Variants in THADA observed in about 807,000 individuals in gnomAD.
The protein encoded by THADA is tRNA (32-2'-O)-methyltransferase regulator THADA.
THADA carries 213 observed loss-of-function variants against 219.8 expected under a neutral mutation model. The ratio of observed to expected loss-of-function variants is 0.97; its 90% CI spans 0.87 to 1.09. The LOEUF is 1.09. Among genes scored for constraint, THADA ranks in the 50% least tolerant of loss-of-function variants. THADA has a pLI of 0.00. For missense variants in THADA, 2,956 were observed against 2,311.3 expected (o/e 1.28, Z -5.72); for synonymous variants, 1,018 against 828.9 (o/e 1.23, Z -3.92).
At chr2:43,419,057 G>A (rs988824659) in intron 28 of THADA, among the ~76,000 whole-genome samples, 1 of 152,162 alleles carries the variant, frequency 6.6e-6, no homozygotes, top group Non-Finnish European at 1.5e-5. Context: ...CAAAGGAGAG[G>A]ACTGTGGGTG....
rs1011445461 is a variant in THADA at position 43,536,713 on chromosome 2, TA to T, written c.3264+4445del. Among the ~76,000 whole-genome samples, 173 of 151,958 alleles carry T rather than the reference TA, an allele frequency of 1.1e-3. 1 individual carries two copies. Among genetic ancestry groups the T allele is most frequent in the African/African-American group, 3.4e-3 (142 of 41,442 alleles). ...TGCTCATCTAAAGCATAAAACCCAT[TA>T]AAAAAAATATAAATATATTTTAAAT... On this transcript the variant is annotated intron_variant, in intron 21 of 37. Coordinates refer to ENST00000405975, the MANE Select transcript of THADA (RefSeq NM_022065.5).
intron 28 of THADA, among the ~76,000 whole-genome samples, chr2:43,405,282 CAT>C (rs1461964313): frequency 5.3e-5 from 8 of 152,288 alleles, no homozygotes; most frequent in South Asian, 2.1e-4. Context: ...TTCAGGAAAA[CAT>C]ATATGTGTGG....
At chr2:43,324,983 G>A (rs566127816) in intron 30 of THADA, among the ~76,000 whole-genome samples, 16 of 152,346 alleles carry the variant, frequency 1.1e-4, no homozygotes, top group African/African-American at 2.6e-4. Context: ...CTATGCGGAC[G>A]AAGTTGACAT....
chr2:43,560,149 C>A, intron 16 of THADA, 85 bp downstream of exon 16: 2 of 1,192,710 alleles, frequency 1.7e-6, no homozygotes, highest in South Asian at 1.7e-5. Context: ...AGATGCAAAG[C>A]ACATGAATAA....
intron 30 of THADA, among the ~76,000 whole-genome samples, chr2:43,325,153 G>C (rs1573073011): frequency 6.6e-6 from 1 of 152,198 alleles, no homozygotes; most frequent in East Asian, 1.9e-4. Flanking sequence ...CCTGGAAGTT[G>C]GGAGAGGCAC....
chr2:43,263,743 T>C (rs1439478662), intron 36 of THADA, among the ~76,000 whole-genome samples: 1 of 152,200 alleles, frequency 6.6e-6, no homozygotes, highest in African/African-American at 2.4e-5. Flanking sequence ...TACTTATTTA[T>C]TTTTAAGTTC....
rs761106937 is a variant in THADA at position 43,592,406 on chromosome 2, A to G, written c.-14T>C. The G allele has an allele frequency of 6.4e-7, 1 of 1,563,346 alleles. No individual in the cohort carries two copies. The highest frequency in any genetic ancestry group is 1.2e-5 in the South Asian group (1 of 86,100). On this transcript the variant is annotated 5_prime_UTR_variant, in exon 2 of 38. Transcript: ENST00000405975. ...CTTTACACCCATTTTAAATAGAATT[A>G]ATAGTAGTCACTGCAAGAAAGAAGA...
chr2:43,422,743 G>A (rs574063067), intron 28 of THADA, among the ~76,000 whole-genome samples: 74 of 152,234 alleles, frequency 4.9e-4, no homozygotes, highest in Middle Eastern at 3.4e-3. Flanking sequence ...GGGGGACAGG[G>A]TCTCGCTCTG....
At chr2:43,592,621 G>C (rs543903776) in intron 1 of THADA, among the ~76,000 whole-genome samples, 2 of 152,266 alleles carry the variant, frequency 1.3e-5, no homozygotes, top group East Asian at 3.9e-4. Context: ...ACTGTGAAGT[G>C]TCCCCTGGGG....
Position 43,388,623 on chromosome 2 carries a change from C to G in THADA, c.4227+9348G>C, listed in dbSNP as rs573227858. Among the ~76,000 whole-genome samples, 47 of 152,278 alleles carry G rather than the reference C, an allele frequency of 3.1e-4. 1 individual carries two copies. The highest frequency in any genetic ancestry group is 2.4e-3 in the Admixed American group (36 of 15,292). The stretch of plus-strand genomic sequence containing the variant: ...ACAAAACAGGTGCAAGGAATAACAA[C>G]CTGATAGGCAAGAACTCTGCCCTTA... On this transcript the variant is annotated intron_variant, in intron 29 of 37. Coordinates refer to ENST00000405975, the MANE Select transcript of THADA (RefSeq NM_022065.5).
chr2:43,522,524 T>C (rs1459072097), intron 22 of THADA, among the ~76,000 whole-genome samples: 4 of 152,172 alleles, frequency 2.6e-5, no homozygotes, highest in African/African-American at 4.8e-5. Flanking sequence ...AATCATTCCC[T>C]AAGATCAAGG....
At chr2:43,385,883 A>G (rs1290162649) in intron 29 of THADA, among the ~76,000 whole-genome samples, 1 of 152,048 alleles carries the variant, frequency 6.6e-6, no homozygotes, top group Non-Finnish European at 1.5e-5. Flanking sequence ...TTAAAAAAAA[A>G]AAACTCCAAA....
rs146127895 is a variant in THADA, at chr2:43,390,239, T to G, written c.4227+7732A>C. 2.6e-3 allele frequency among the ~76,000 whole-genome samples: 394 copies of G among 152,326 alleles called. 2 individuals are homozygous for G. Among genetic ancestry groups the G allele is most frequent in the African/African-American group, 9.3e-3 (388 of 41,564 alleles). ...AGGGTTTCAGAGTCCCCAGCAGTCC[T>G]GGCATCTATAGTATGACCACCTCGC... On this transcript the variant is annotated intron_variant, in intron 29 of 37. Transcript: ENST00000405975.
rs151250546 is a variant in THADA, at chr2:43,238,478, A to G, written c.5297-5596T>C. 4.1e-3 allele frequency among the ~76,000 whole-genome samples: 620 copies of G among 152,316 alleles called. 7 individuals carry two copies. Among genetic ancestry groups the G allele is most frequent in the African/African-American group, 0.014 (562 of 41,556 alleles). On this transcript the variant is annotated intron_variant, in intron 36 of 37. Coordinates refer to ENST00000405975, the MANE Select transcript of THADA (RefSeq NM_022065.5). ...TAATAAAAAAAAGTTAAGTTTTGGC[A>G]AAGATGTGGAGAAATTGGAACCCTC... is the stretch of plus-strand genomic sequence containing the variant.
chr2:43,579,082 G>A (rs1349945627), intron 8 of THADA, among the ~76,000 whole-genome samples: 1 of 152,118 alleles, frequency 6.6e-6, no homozygotes, highest in African/African-American at 2.4e-5. Context: ...CGCCTGCCTC[G>A]GCCTCCCAAA....
chr2:43,576,911 T>C, intron 10 of THADA, 111 bp downstream of exon 10: 2 of 915,168 alleles, frequency 2.2e-6, no homozygotes, highest in Non-Finnish European at 3.4e-6. Context: ...TGCCTCAGCC[T>C]ACTGGGAGGG....
chr2:43,437,644 T>C (rs980423615), intron 26 of THADA, among the ~76,000 whole-genome samples: 1 of 152,188 alleles, frequency 6.6e-6, no homozygotes, highest in Non-Finnish European at 1.5e-5. Context: ...ACAGATGCTG[T>C]TGAGAGACAA....
intron 36 of THADA, among the ~76,000 whole-genome samples, chr2:43,242,732 AC>A (rs1477321061): frequency 6.6e-6 from 1 of 152,156 alleles, no homozygotes; most frequent in East Asian, 1.9e-4. Flanking sequence ...CAAGTGATCC[AC>A]CTACCTTGGC....
At chr2:43,591,064 T>C (rs1343273604) in intron 3 of THADA, 110 bp from the exon 4 acceptor site, 8 of 1,009,616 alleles carry the variant, frequency 7.9e-6, no homozygotes, top group South Asian at 6.9e-5. Context: ...CTCACCCCTG[T>C]AATCCCAACA....
Sources: gnomAD v4.1 joint callset for allele counts (sites outside exome capture counted in the v4.1 genomes callset) on GRCh38, gnomAD v4.1.1 for gene constraint, MANE v1.5 for transcripts, NCBI Gene and HGNC (gene_info 2026-07-23, HGNC 2026-07-21) for gene names.